The following TANC2 variants were observed in gnomAD, a reference collection of about 807,000 sequenced individuals.
TANC2 encodes protein TANC2.
A neutral mutation model predicts 210.5 loss-of-function variants in TANC2; 26 were observed. That is an observed-to-expected ratio of 0.12 (90% confidence interval 0.09 to 0.17). The LOEUF (loss-of-function observed/expected upper bound fraction) is 0.17. TANC2 is among the 10% of genes least tolerant of loss of function. TANC2 has a pLI of 1.00. For missense variants in TANC2, 2,129 were observed against 2,608.9 expected, an observed-to-expected ratio of 0.82 and a Z score of 4.01; for synonymous variants, 931 against 967.1, an observed-to-expected ratio of 0.96 and a Z score of 0.69.
chr17:62,999,934 A>G (rs1426423842), intron 1 of TANC2, among the ~76,000 whole-genome samples: 2 of 152,238 alleles, frequency 1.3e-5, no homozygotes, highest in Admixed American at 1.3e-4. Flanking sequence ...CTTTGCAGCA[A>G]CATGGACAGA....
chr17:62,977,726 A>G (rs79578529), intron 1 of TANC2, among the ~76,000 whole-genome samples: 55 of 152,194 alleles, frequency 3.6e-4, no homozygotes, highest in Non-Finnish European at 6.8e-4. Flanking sequence ...TCTGCTTGCA[A>G]CCACTAAAAT....
intron 2 of TANC2, among the ~76,000 whole-genome samples, chr17:63,061,705 C>G (rs2036004554): frequency 6.6e-6 from 1 of 151,686 alleles, no homozygotes; most frequent in African/African-American, 2.4e-5. Flanking sequence ...TTTTTCTGTT[C>G]TCTCTGGTTT....
At chr17:63,120,520 A>G (rs2145124433) in intron 4 of TANC2, among the ~76,000 whole-genome samples, 1 of 152,200 alleles carries the variant, frequency 6.6e-6, no homozygotes, top group East Asian at 1.9e-4. Flanking sequence ...AAATTCTTTA[A>G]AAAGTCTTTT....
At chr17:63,238,223 G>T in intron 8 of TANC2, 146 bp downstream of exon 8, 1 of 1,040,000 alleles carries the variant, frequency 9.6e-7, no homozygotes, top group East Asian at 2.7e-5. Flanking sequence ...TTGTGTTTGG[G>T]TAATATACAT....
At chr17:62,996,994 T>TTTTTTTTTTTTTTTTTTTGAGACGG (rs2033144497) in intron 1 of TANC2, among the ~76,000 whole-genome samples, 12 of 143,648 alleles carry the variant, frequency 8.4e-5, no homozygotes, top group South Asian at 2.2e-4. Context: ...TTTGTATTTT[T>TTTTTTTTTTTTTTTTTTTGAGACGG]AGTATAGATG....
intron 7 of TANC2, among the ~76,000 whole-genome samples, chr17:63,203,624 A>G (rs1042948441): frequency 2.0e-5 from 3 of 152,188 alleles, no homozygotes; most frequent in Non-Finnish European, 4.4e-5. Context: ...TGCCTATTGT[A>G]TACTTGTTAA....
Position 63,202,339 on chromosome 17 carries a change from C to T in TANC2, c.769+1382C>T, listed in dbSNP as rs565934647. Among the ~76,000 whole-genome samples the T allele has an allele frequency of 7.6e-4, 116 of 152,206 alleles. 1 individual carries two copies. The highest frequency in any genetic ancestry group is 2.7e-3 in the Admixed American group (41 of 15,276). ...GTGAGAAGATAAAATGGAAATTGGGCTTCTGTCCAAAACATAAATGGCATT... is the reference window on the plus strand; with the variant it reads ...GTGAGAAGATAAAATGGAAATTGGGTTTCTGTCCAAAACATAAATGGCATT... On this transcript the variant is annotated intron_variant, in intron 7 of 27. Coordinates refer to ENST00000689528, the Ensembl canonical transcript of TANC2.
chr17:63,074,029 G>T lies in TANC2; in HGVS notation c.139+15G>T. ...CTCTGGGCAAGGTAAATTTTCATCA[G>T]ATTGATTATTAAATTTCAAAAAATA... On this transcript the variant is annotated intron_variant, in intron 3 of 27. Coordinates refer to ENST00000689528, the Ensembl canonical transcript of TANC2. 6.4e-7 allele frequency: 1 copy of T among 1,551,902 alleles called. No homozygotes were observed. The highest frequency in any genetic ancestry group is 8.7e-7 in the Non-Finnish European group (1 of 1,148,116).
At chr17:63,355,474 C>G (rs2046753925) in intron 14 of TANC2, 84 bp downstream of exon 14, 2 of 1,362,592 alleles carry the variant, frequency 1.5e-6, no homozygotes, top group Non-Finnish European at 1.9e-6. Flanking sequence ...TAGAAGTGTT[C>G]TTCATTGAAC....
chr17:63,143,056 C>G (rs910228467), intron 4 of TANC2, among the ~76,000 whole-genome samples: 1 of 152,172 alleles, frequency 6.6e-6, no homozygotes, highest in Non-Finnish European at 1.5e-5. Flanking sequence ...CTGCTCTGTG[C>G]ACATGGTAGG....
At chr17:63,090,965 A>T (rs1367047712) in intron 3 of TANC2, among the ~76,000 whole-genome samples, 4 of 141,682 alleles carry the variant, frequency 2.8e-5, no homozygotes, top group African/African-American at 1.1e-4. Context: ...CCAGTGATGA[A>T]GAACATTTTT....
At chr17:63,027,965 G>T (rs2034623730) in intron 2 of TANC2, among the ~76,000 whole-genome samples, 1 of 151,316 alleles carries the variant, frequency 6.6e-6, no homozygotes, top group Non-Finnish European at 1.5e-5. Flanking sequence ...GGTTCTATTT[G>T]ACTCCCCAGA....
chr17:63,276,516 T>C (rs1052811921), intron 9 of TANC2, among the ~76,000 whole-genome samples: 6 of 151,608 alleles, frequency 4.0e-5, no homozygotes, highest in African/African-American at 1.5e-4. Flanking sequence ...TTTTTAACTG[T>C]TCTCCAAAGA....
At chr17:63,152,330 C>A (rs183500841) in intron 5 of TANC2, 1 of 151,956 alleles carries the variant, frequency 6.6e-6, no homozygotes, top group Non-Finnish European at 1.5e-5. Flanking sequence ...AATATACCTT[C>A]GAAGCCAGAT....
Position 62,966,675 on chromosome 17 carries a change from G to C in TANC2, c.-98G>C, listed in dbSNP as rs1479556687. The C allele has an allele frequency of 6.6e-6, 1 of 152,444 alleles. No individual in the cohort carries two copies. The highest frequency in any genetic ancestry group is 1.5e-5 in the Non-Finnish European group (1 of 68,296). The allele number at this position is 152,444 out of a possible 1,614,324, so 9.4% of individuals were successfully genotyped here. Reference sequence around the variant, plus strand: ...CGGGAATCGCGGGCGGCGCCGGCGGGCGGCGCGGTCCTCACAGGAGACCCC... The same window carrying C: ...CGGGAATCGCGGGCGGCGCCGGCGGCCGGCGCGGTCCTCACAGGAGACCCC... On this transcript the variant is annotated 5_prime_UTR_variant, in exon 1 of 28. Transcript: ENST00000689528. The surrounding 1 kb of genome is among the most constrained non-coding windows in gnomAD (Gnocchi z 5.1).
Position 63,040,299 on chromosome 17 carries a change from T to C in TANC2, c.67+30673T>C, listed in dbSNP as rs184252083. On this transcript the variant is annotated intron_variant, in intron 2 of 27. Coordinates refer to ENST00000689528, the Ensembl canonical transcript of TANC2. ...TAGGACAAGTAACATTTCTCTGTCC[T>C]TGGTTTCTTGAACAATGTTCAGCAT... Among the ~76,000 whole-genome samples, 4 of 152,348 alleles carry C rather than the reference T, an allele frequency of 2.6e-5. 1 individual carries two copies. The East Asian group carries it at 5.8e-4, about 22-fold the overall frequency.
At chr17:63,099,293 A>G (rs769908487) in exon 4 of TANC2, 36 of 1,579,194 alleles carry the variant, frequency 2.3e-5, no homozygotes, top group Non-Finnish European at 3.1e-5. Context: ...GCTCTCTTCC[A>G]TCCTCCCCCT....
intron 2 of TANC2, among the ~76,000 whole-genome samples, chr17:63,014,738 G>T (rs1463363529): frequency 6.6e-6 from 1 of 152,050 alleles, no homozygotes; most frequent in Non-Finnish European, 1.5e-5. Context: ...ACATGTTAAG[G>T]TTCTACTGTA....
At chr17:63,094,414 A>G (rs749752971) in intron 3 of TANC2, among the ~76,000 whole-genome samples, 1 of 152,120 alleles carries the variant, frequency 6.6e-6, no homozygotes, top group East Asian at 1.9e-4. Flanking sequence ...ACCATGCTAT[A>G]TATTTTTTTC....
Sources: gnomAD v4.1 joint callset for allele counts (sites outside exome capture counted in the v4.1 genomes callset) on GRCh38, gnomAD v4.1.1 for gene constraint, Gnocchi (gnomAD v3.1) non-coding constraint, MANE v1.5 for transcripts, NCBI Gene and HGNC (gene_info 2026-07-23, HGNC 2026-07-21) for gene names.